NLGN3: variants seen among roughly 807,000 people sequenced by gnomAD.
NLGN3 encodes the protein neuroligin 3.
NLGN3 carries 11 observed loss-of-function variants against 42.9 expected under a neutral mutation model. That is an observed-to-expected ratio of 0.26 (90% CI 0.16 to 0.42). The LOEUF (loss-of-function observed/expected upper bound fraction) is 0.42, where lower values mean the gene tolerates loss of function less well. Among genes scored for constraint, NLGN3 ranks in the 10% least tolerant of loss-of-function variants. The pLI is 1.00. For synonymous variants in NLGN3, 279 were observed against 312.7 expected, an observed-to-expected ratio of 0.89 and a Z score of 1.14; for missense variants, 374 against 733.8, an observed-to-expected ratio of 0.51 and a Z score of 5.67.
intron 1 of NLGN3, among the ~76,000 whole-genome samples, chrX:71,147,115 C>A (rs1452692317): frequency 9.0e-6 from 1 of 111,328 alleles, no homozygotes; most frequent in East Asian, 2.8e-4. Context: ...GTTGACAATC[C>A]CACCCTGTCC....
intron 5 of NLGN3, among the ~76,000 whole-genome samples, chrX:71,159,890 ATTTTT>A (rs748275369): frequency 2.0e-5 from 1 of 50,424 alleles, no homozygotes; most frequent in Non-Finnish European, 3.6e-5. Context: ...ACGCCCAGCT[ATTTTT>A]TTTTTTTTTT....
At chrX:71,155,020 T>C (rs1475922315) in intron 4 of NLGN3, among the ~76,000 whole-genome samples, 194 bp from the exon 5 acceptor site, 2 of 112,616 alleles carry the variant, frequency 1.8e-5, no homozygotes, top group South Asian at 3.7e-4. Context: ...TTTAAAAATA[T>C]CACTGAAGCC....
At position 71,170,532 on chromosome X, in the gene NLGN3, C is replaced by G. The variant is rs1407697266; in HGVS notation, c.*435C>G. The G allele has an allele frequency of 1.1e-5, 9 of 801,118 alleles. No individual in the cohort carries two copies. In the East Asian group the frequency reaches 8.8e-4, roughly 78 times the overall value. The allele number at this position is 801,118 out of a possible 1,213,427, so 66.0% of individuals were successfully genotyped here. A position where few individuals can be genotyped will look rare whatever the true frequency, so the allele number is the denominator to read the frequency against. On this transcript the variant is annotated 3_prime_UTR_variant, in exon 8 of 8. Coordinates refer to ENST00000358741, the MANE Select transcript of NLGN3 (RefSeq NM_181303.2). Reference sequence around the variant, plus strand: ...TTTAAAGAGCAGGATAGCTCTTCCTCCCCAGGACTTGGTCTTTTTTCTGGG... The same window carrying G: ...TTTAAAGAGCAGGATAGCTCTTCCTGCCCAGGACTTGGTCTTTTTTCTGGG...
chrX:71,166,978 C>T (rs1405398689), intron 6 of NLGN3, 33 bp from the exon 7 acceptor site: 1 of 1,129,545 alleles, frequency 8.9e-7, no homozygotes. Flanking sequence ...TGTGACACGA[C>T]AGATCTGACC....
rs751308018 is a variant in NLGN3 at position 71,164,600 on chromosome X, T to C, written c.913+272T>C. On this transcript the variant is annotated intron_variant, in intron 6 of 7. Coordinates refer to ENST00000358741, the MANE Select transcript of NLGN3 (RefSeq NM_181303.2). ...ATTTTGGGGAGTGGGAATAGAACAA[T>C]TGTCCCCTCAGAGGACAATAGTTTG... Among the ~76,000 whole-genome samples the C allele has an allele frequency of 9.8e-5, 11 of 112,319 alleles. No individual in the cohort carries two copies. In the South Asian group the frequency reaches 2.2e-3, roughly 22 times the overall value.
At chrX:71,156,337 A>C (rs1217715107) in intron 5 of NLGN3, among the ~76,000 whole-genome samples, 1 of 106,819 alleles carries the variant, frequency 9.4e-6, no homozygotes, top group African/African-American at 3.4e-5. Context: ...AAACACAAAC[A>C]AATATTCCCC....
At chrX:71,172,735 C>T (rs914017310), downstream of NLGN3, among the ~76,000 whole-genome samples, 7 of 110,434 alleles carry the variant, frequency 6.3e-5, no homozygotes, top group African/African-American at 2.3e-4. Flanking sequence ...GTGCTATACC[C>T]ATCTTCAAAA....
rs1192295234 is a variant in NLGN3, at chrX:71,170,557, G to C, written c.*460G>C. On this transcript the variant is annotated 3_prime_UTR_variant, in exon 8 of 8. Transcript: ENST00000358741. The stretch of plus-strand genomic sequence containing the variant: ...CCCCAGGACTTGGTCTTTTTTCTGG[G>C]TCTTGTTTTGTTGATTTTTCTTTTT... 2 of 791,850 alleles carry C rather than the reference G, an allele frequency of 2.5e-6. No homozygotes were observed. Among genetic ancestry groups the C allele is most frequent in the African/African-American group, 4.5e-5 (2 of 44,651 alleles). The allele number at this position is 791,850 out of a possible 1,213,427, so 65.3% of individuals were successfully genotyped here.
chrX:71,153,260 G>A (rs1694724303), intron 3 of NLGN3, among the ~76,000 whole-genome samples: 2 of 112,883 alleles, frequency 1.8e-5, no homozygotes, highest in Non-Finnish European at 3.8e-5. Context: ...GCGGTGCAGA[G>A]AGGCCAGCAC....
In NLGN3 at chrX:71,159,282, C is replaced by T. The variant is rs746893714; in HGVS notation, c.727+3919C>T. Among the ~76,000 whole-genome samples, 6 of 109,182 alleles carry T rather than the reference C, an allele frequency of 5.5e-5. 1 individual carries two copies. The South Asian group carries it at 2.4e-3, about 43-fold the overall frequency. The allele number at this position is 109,182 out of a possible 115,157, so 94.8% of individuals were successfully genotyped here. ...GTTGCAATGAGCCAAGATCGTGCCA[C>T]TGCACTCTAGCCTGGGCAACAGAGT... On this transcript the variant is annotated intron_variant, in intron 5 of 7. Coordinates refer to ENST00000358741, the MANE Select transcript of NLGN3 (RefSeq NM_181303.2).
At chrX:71,147,154 C>G (rs1444052525) in intron 1 of NLGN3, among the ~76,000 whole-genome samples, 3 of 111,508 alleles carry the variant, frequency 2.7e-5, no homozygotes, top group African/African-American at 9.8e-5. Flanking sequence ...GTGGGCTTAC[C>G]AGGTCCCAAG....
chrX:71,174,334 G>C (rs2092475220), downstream of NLGN3, among the ~76,000 whole-genome samples: 1 of 111,564 alleles, frequency 9.0e-6, no homozygotes, highest in African/African-American at 3.3e-5. Context: ...ACTGGTGGTG[G>C]CCCTGAAAAC....
In NLGN3 at chrX:71,169,567, G is replaced by A. The variant is rs780099776; in HGVS notation, c.2017G>A (p.Ala673Thr). 8.3e-7 allele frequency: 1 copy of A among 1,210,371 alleles called. No homozygotes were observed. Among genetic ancestry groups the A allele is most frequent in the Non-Finnish European group, 1.1e-6 (1 of 895,061 alleles). ...NGKTWSTKRP[A>T]ISPAYSNENA... is the part of the protein sequence containing the mutation. ...CAAGACCTGGAGCACCAAGCGGCCA[G>A]CCATCTCACCTGCCTACAGCAACGA... Residue 673 changes from alanine (A) to threonine (T), a missense_variant, in exon 8 of 8, where the codon GCC becomes ACC. By Grantham distance (58) the Ala-to-Thr change is moderately conservative. Coordinates refer to ENST00000358741, the MANE Select transcript of NLGN3 (RefSeq NM_181303.2).
In NLGN3 at chrX:71,146,153, T is replaced by TCTCTCTCA. The variant is rs1185227027; in HGVS notation, c.-201+1190_-201+1191insTCTCTCAC. On this transcript the variant is annotated intron_variant, in intron 1 of 7. Coordinates refer to ENST00000358741, the MANE Select transcript of NLGN3 (RefSeq NM_181303.2). ...CTCTCTCTCTCTCTCTCTCTCTCTCTCACACACACACACACACAGACACAC... is the reference window on the plus strand; with the variant it reads ...CTCTCTCTCTCTCTCTCTCTCTCTCTCTCTCTCACACACACACACACACACAGACACAC... Among the ~76,000 whole-genome samples, 14 of 26,358 alleles carry TCTCTCTCA rather than the reference T, an allele frequency of 5.3e-4. 1 individual carries two copies. The highest frequency in any genetic ancestry group is 2.2e-3 in the African/African-American group (14 of 6,451). The allele number at this position is 26,358 out of a possible 115,157, so 22.9% of individuals were successfully genotyped here.
At chrX:71,165,931 A>G (rs1438129354) in intron 6 of NLGN3, among the ~76,000 whole-genome samples, 1 of 111,751 alleles carries the variant, frequency 8.9e-6, no homozygotes, top group Non-Finnish European at 1.9e-5. Flanking sequence ...TTAAGTAGTA[A>G]TCTATCATTT....
At chrX:71,157,287 CTTATTTATTTATTTAT>C (rs397688201) in intron 5 of NLGN3, among the ~76,000 whole-genome samples, 4 of 99,886 alleles carry the variant, frequency 4.0e-5, no homozygotes, top group South Asian at 4.3e-4. Flanking sequence ...TTTTAATTTG[CTTATTTATTTATTTAT>C]TTATTTATTT....
chrX:71,160,201 TTTTC>T (rs1190317516), intron 5 of NLGN3, among the ~76,000 whole-genome samples: 9 of 105,902 alleles, frequency 8.5e-5, no homozygotes, highest in African/African-American at 1.4e-4. Flanking sequence ...TGCTTATCTT[TTTTC>T]TTTCTTTCTT....
rs375903173 is a variant in NLGN3, at chrX:71,169,765, G to A, written c.2215G>A (p.Glu739Lys). The change falls in exon 8 of 8, where the codon GAG becomes AAG. Residue 739 changes from glutamate to lysine, a missense_variant. By Grantham distance (56) the Glu-to-Lys change is moderately conservative (BLOSUM62 1). Coordinates refer to ENST00000358741, the MANE Select transcript of NLGN3 (RefSeq NM_181303.2). Reference sequence around the variant, plus strand: ...CTACCGTAAGGACAAACGGCGCCAGGAGCCCCTGCGGCAGCCTAGCCCTCA... The same window carrying A: ...CTACCGTAAGGACAAACGGCGCCAGAAGCCCCTGCGGCAGCCTAGCCCTCA... ...LYYRKDKRRQ[E>K]PLRQPSPQRG... is the part of the protein sequence containing the mutation. 1.2e-5 allele frequency: 14 copies of A among 1,209,732 alleles called. No homozygotes were observed. Among genetic ancestry groups the A allele is most frequent in the Non-Finnish European group, 1.5e-5 (13 of 895,010 alleles).
At chrX:71,173,744 G>C (rs1459423813), downstream of NLGN3, among the ~76,000 whole-genome samples, 1 of 112,426 alleles carries the variant, frequency 8.9e-6, no homozygotes, top group East Asian at 2.8e-4. Context: ...CATACTGTGG[G>C]GGATAGAAGA....
Sources: allele counts gnomAD v4.1 joint callset (sites outside exome capture counted in the v4.1 genomes callset), GRCh38; gene constraint gnomAD v4.1.1; transcripts MANE v1.5; gene names NCBI Gene and HGNC (gene_info 2026-07-23, HGNC 2026-07-21).